The following LARP6 variants were observed in gnomAD, a reference collection of about 807,000 sequenced individuals.
LARP6 encodes la-related protein 6.
A neutral mutation model predicts 32.8 loss-of-function variants in LARP6; 18 were observed. The ratio of observed to expected loss-of-function variants is 0.55; its 90% CI spans 0.38 to 0.81. The LOEUF (loss-of-function observed/expected upper bound fraction) is 0.81. Among genes scored for constraint, LARP6 ranks in the 40% least tolerant of loss-of-function variants. The pLI, the probability that LARP6 is intolerant of heterozygous loss-of-function variation, is 0.00. For missense variants in LARP6, 598 were observed against 663.1 expected, an observed-to-expected ratio of 0.90 and a Z score of 1.08; for synonymous variants, 289 against 267.2, an observed-to-expected ratio of 1.08 and a Z score of -0.80.
Position 70,853,930 on chromosome 15 carries a change from GC to G in LARP6, c.158del (p.Gly53AlafsTer40). ...AGDPARYLSP[G>X]WGSASEEEPS... is the part of the protein sequence containing the mutation. ...GCTCCTCCTCGCTCGCGCTGCCCCA[GC>G]CGGGGCTGAGGTACCGGGCCGGGTC... is the stretch of plus-strand genomic sequence containing the variant. On this transcript the variant is annotated frameshift_variant, in exon 1 of 3. Transcript: ENST00000299213. LOFTEE classifies it high-confidence loss of function. 1 of 1,418,406 alleles carries G rather than the reference GC, an allele frequency of 7.1e-7. No individual in the cohort carries two copies. The highest frequency in any genetic ancestry group is 9.3e-7 in the Non-Finnish European group (1 of 1,080,068). The allele number at this position is 1,418,406 out of a possible 1,614,324, so 87.9% of individuals were successfully genotyped here.
chr15:70,848,353 G>T (rs2032384647), intron 1 of LARP6, among the ~76,000 whole-genome samples: 1 of 152,116 alleles, frequency 6.6e-6, no homozygotes. Flanking sequence ...TGTCTCCATG[G>T]GTCTAAATAA....
chr15:70,842,086 C>G (rs747261534), intron 1 of LARP6, among the ~76,000 whole-genome samples: 2 of 151,990 alleles, frequency 1.3e-5, no homozygotes, highest in Non-Finnish European at 2.9e-5. Flanking sequence ...GCTCTGTTGC[C>G]TCAAGTTGGA....
intron 1 of LARP6, among the ~76,000 whole-genome samples, chr15:70,837,384 AAAT>A (rs200914214): frequency 6.6e-6 from 1 of 152,026 alleles, no homozygotes; most frequent in Admixed American, 6.5e-5. Context: ...CCCTGTCTCA[AAAT>A]AATAATAATA....
intron 1 of LARP6, among the ~76,000 whole-genome samples, chr15:70,840,292 C>T (rs1164531248): frequency 6.6e-6 from 1 of 152,168 alleles, no homozygotes; most frequent in African/African-American, 2.4e-5. Context: ...GTAATCCCAG[C>T]ACTTTGGGAG....
chr15:70,832,308 C>T lies in LARP6; in HGVS notation c.1220G>A (p.Ser407Asn), dbSNP rs1036592037. Residue 407 changes from serine to asparagine, a missense_variant, in exon 3 of 3, where the codon AGC (serine) becomes AAC (asparagine). Coordinates refer to ENST00000299213, the MANE Select transcript of LARP6 (RefSeq NM_018357.4). ...PLAEEGRLNC[S>N]TSPEIFRKCM... ...CTTGCGGAAGATCTCAGGGCTGGTG[C>T]TGCAGTTCAGTCTACCTTCCTCCGC... 2 of 1,614,230 alleles carry T rather than the reference C, an allele frequency of 1.2e-6. No homozygotes were observed. The highest frequency in any genetic ancestry group is 1.7e-6 in the Non-Finnish European group (2 of 1,180,040).
intron 1 of LARP6, among the ~76,000 whole-genome samples, chr15:70,848,277 C>T (rs1283274026): frequency 1.3e-5 from 2 of 152,232 alleles, no homozygotes; most frequent in Non-Finnish European, 2.9e-5. Context: ...CTCTCTGACC[C>T]TGTCTTCTGC....
In LARP6 at chr15:70,832,268, G is replaced by C; in HGVS notation, c.1260C>G (p.Ser420=). 1.9e-6 allele frequency: 3 copies of C among 1,614,244 alleles called. No homozygotes were observed. The highest frequency in any genetic ancestry group is 2.5e-6 in the Non-Finnish European group (3 of 1,180,056). The change falls in exon 3 of 3, where the codon TCC becomes TCG. Residue 420 remains serine (S), a synonymous_variant. Coordinates refer to ENST00000299213, the MANE Select transcript of LARP6 (RefSeq NM_018357.4). ...PEIFRKCMDY[S]SDSSVTPSGS... is the part of the protein sequence containing the mutation. ...CAGAGGGAGTGACGCTGCTGTCAGA[G>C]GAATAATCCATACACTTGCGGAAGA...
At chr15:70,840,562 CA>C (rs2032235384) in intron 1 of LARP6, among the ~76,000 whole-genome samples, 1 of 151,968 alleles carries the variant, frequency 6.6e-6, no homozygotes, top group South Asian at 2.1e-4. Context: ...AACAAACAAA[CA>C]AAAAACAGAT....
chr15:70,839,738 A>G (rs185804713), intron 1 of LARP6, among the ~76,000 whole-genome samples: 209 of 152,126 alleles, frequency 1.4e-3, no homozygotes, highest in Admixed American at 9.1e-3. Flanking sequence ...GCCCACCACC[A>G]CGCCCGGCTT....
At chr15:70,841,055 A>G (rs1028814742) in intron 1 of LARP6, among the ~76,000 whole-genome samples, 2 of 151,922 alleles carry the variant, frequency 1.3e-5, no homozygotes, top group Non-Finnish European at 2.9e-5. Context: ...CTGGGATTAC[A>G]GGCGCCCGCC....
chr15:70,843,994 T>C (rs2141055347), intron 1 of LARP6, among the ~76,000 whole-genome samples: 1 of 151,304 alleles, frequency 6.6e-6, no homozygotes, highest in East Asian at 1.9e-4. Flanking sequence ...TCTCACTCTG[T>C]CGCCCAGGCT....
rs2032570375 is a variant in LARP6 at position 70,853,972 on chromosome 15, C to T, written c.117G>A (p.Glu39=). Residue 39 remains glutamate, a synonymous_variant, in exon 1 of 3, where the codon GAG becomes GAA. Coordinates refer to ENST00000299213, the MANE Select transcript of LARP6 (RefSeq NM_018357.4). ...GGGCCGGGTCCCCGGCGCCCCGAGT[C>T]TCCGCCCCCTCCTCCTCGTCCTCCA... is the stretch of plus-strand genomic sequence containing the variant. ...DELEDEEEGA[E]TRGAGDPARY... The T allele has an allele frequency of 6.8e-7, 1 of 1,460,346 alleles. No individual in the cohort carries two copies. The highest frequency in any genetic ancestry group is 1.5e-5 in the African/African-American group (1 of 68,016). 90.5% of individuals were successfully genotyped at this position (1,460,346 alleles called of 1,614,324 possible).
chr15:70,854,081 T>G lies in LARP6; in HGVS notation c.8A>C (p.Gln3Pro). Residue 3 changes from glutamine (Q) to proline (P), a missense_variant, in exon 1 of 3, where the codon CAG (glutamine) becomes CCG (proline). Physicochemically the swap from Gln to Pro is moderately conservative, Grantham distance 76 (BLOSUM62 -1). This residue lies in a region of LARP6 where 161 missense variants were observed against 148.6 expected (regional missense o/e 1.08). Transcript: ENST00000299213. The part of the protein sequence containing the change: MA[Q>P]SGGEARPGPK... The stretch of plus-strand genomic sequence containing the variant: ...CCCGGGCCGAGCCTCCCCGCCGGAC[T>G]GGGCCATGGCTCGCGGGACTGCGGC... 1 of 1,341,242 alleles carries G rather than the reference T, an allele frequency of 7.5e-7. No individual in the cohort carries two copies. The highest frequency in any genetic ancestry group is 9.6e-7 in the Non-Finnish European group (1 of 1,039,998). The allele number at this position is 1,341,242 out of a possible 1,614,324, so 83.1% of individuals were successfully genotyped here.
chr15:70,843,690 C>CT (rs1413892323), intron 1 of LARP6, among the ~76,000 whole-genome samples: 2 of 114,770 alleles, frequency 1.7e-5, no homozygotes, highest in African/African-American at 3.2e-5. Context: ...GAGTCTCACT[C>CT]TGTCGCCCAG....
chr15:70,834,888 A>C (rs555244785), intron 2 of LARP6, among the ~76,000 whole-genome samples: 1 of 152,388 alleles, frequency 6.6e-6, no homozygotes, highest in South Asian at 2.1e-4. Context: ...GAAATCCTTC[A>C]GAATGAAAAG....
At chr15:70,835,894 G>A (rs1185741304) in intron 2 of LARP6, among the ~76,000 whole-genome samples, 1 of 152,130 alleles carries the variant, frequency 6.6e-6, no homozygotes, top group Non-Finnish European at 1.5e-5. Flanking sequence ...CTCTCCCTTT[G>A]CTTATTCAAC....
intron 2 of LARP6, among the ~76,000 whole-genome samples, chr15:70,835,607 C>G (rs1014096578): frequency 6.6e-6 from 1 of 152,210 alleles, no homozygotes; most frequent in Non-Finnish European, 1.5e-5. Flanking sequence ...CGTTATGCAA[C>G]AGGCCGCGTA....
At chr15:70,851,693 G>A in intron 1 of LARP6, 1 of 1,614,148 alleles carries the variant, frequency 6.2e-7, no homozygotes. Flanking sequence ...AAGCAAGCAT[G>A]GTCCTTGAAT....
intron 1 of LARP6, among the ~76,000 whole-genome samples, chr15:70,841,058 C>T (rs1010289668): frequency 1.5e-4 from 23 of 152,108 alleles, no homozygotes; most frequent in African/African-American, 3.6e-4. Context: ...GGATTACAGG[C>T]GCCCGCCACC....
Sources: allele counts gnomAD v4.1 joint callset (sites outside exome capture counted in the v4.1 genomes callset), GRCh38; gene constraint gnomAD v4.1.1; regional missense constraint gnomAD v4.1.1; transcripts MANE v1.5; gene names NCBI Gene and HGNC (gene_info 2026-07-23, HGNC 2026-07-21).